PIEZO2: variants seen among roughly 807,000 people sequenced by gnomAD.
The protein encoded by PIEZO2 is piezo type mechanosensitive ion channel component 2, also known as piezo-type mechanosensitive ion channel component 2.
A neutral mutation model predicts 337.3 loss-of-function variants in PIEZO2; 172 were observed. The observed-to-expected ratio is 0.51, with a 90% CI of 0.45 to 0.58. The LOEUF (loss-of-function observed/expected upper bound fraction) is 0.58. Among genes scored for constraint, PIEZO2 ranks in the 20% least tolerant of loss-of-function variants. The pLI, the probability that PIEZO2 is intolerant of heterozygous loss-of-function variation, is 0.00. For missense variants in PIEZO2, 3,028 were observed against 3,391.3 expected (o/e 0.89, Z 2.66); for synonymous variants, 1,251 against 1,228.5 (o/e 1.02, Z -0.38).
chr18:10,919,549 A>G (rs982395432), intron 3 of PIEZO2, among the ~76,000 whole-genome samples: 2 of 152,106 alleles, frequency 1.3e-5, no homozygotes, highest in Non-Finnish European at 2.9e-5. Flanking sequence ...AGACCCTGCC[A>G]CACCTACTCA....
In PIEZO2 at chr18:11,078,866, GA is replaced by G. The variant is rs2038641627; in HGVS notation, c.65-12645del. On this transcript the variant is annotated intron_variant, in intron 1 of 55. Coordinates refer to ENST00000674853, the MANE Select transcript of PIEZO2 (RefSeq NM_001378183.1). The surrounding 1 kb of genome is among the most constrained non-coding windows in gnomAD (Gnocchi z 5.3). ...CAGAGTCTGTGTTACTGAGAATGGA[GA>G]GGGGTGAAAAAGAATCCTTGCAGGG... Among the ~76,000 whole-genome samples the G allele has an allele frequency of 6.6e-6, 1 of 152,210 alleles. No homozygotes were observed. Among genetic ancestry groups the G allele is most frequent in the South Asian group, 2.1e-4 (1 of 4,828 alleles).
Position 11,065,572 on chromosome 18 carries a change from G to A in PIEZO2, c.160+555C>T, listed in dbSNP as rs1343111273. Among the ~76,000 whole-genome samples, 5 of 152,302 alleles carry A rather than the reference G, an allele frequency of 3.3e-5. No individual in the cohort carries two copies. In the East Asian group the frequency reaches 7.7e-4, roughly 23 times the overall value. On this transcript the variant is annotated intron_variant, in intron 2 of 55. Coordinates refer to ENST00000674853, the MANE Select transcript of PIEZO2 (RefSeq NM_001378183.1). ...GAGTAACCAGAATGGGAGCTGAAGT[G>A]TTGCAGAAACACACTTGAGGAGCTA...
At chr18:10,811,052 A>G (rs1026634489) in intron 7 of PIEZO2, among the ~76,000 whole-genome samples, 1 of 152,146 alleles carries the variant, frequency 6.6e-6, no homozygotes, top group African/African-American at 2.4e-5. Context: ...TTGGTTCTTC[A>G]TCATTCTTTC....
rs2037354099 is a variant in PIEZO2 at position 11,047,407 on chromosome 18, C to T, written c.160+18720G>A. ...CAGTGCAGCAAAGGCTCCTGCCTAT[C>T]CCACAAGACGGCCCGGGGGAATTGT... On this transcript the variant is annotated intron_variant, in intron 2 of 55. Coordinates refer to ENST00000674853, the MANE Select transcript of PIEZO2 (RefSeq NM_001378183.1). The surrounding 1 kb of genome is among the most constrained non-coding windows in gnomAD (Gnocchi z 7.2). Among the ~76,000 whole-genome samples, 1 of 152,158 alleles carries T rather than the reference C, an allele frequency of 6.6e-6. No homozygotes were observed. Among genetic ancestry groups the T allele is most frequent in the African/African-American group, 2.4e-5 (1 of 41,430 alleles).
Position 11,111,250 on chromosome 18 carries a change from G to T in PIEZO2, c.64+37275C>A, listed in dbSNP as rs1270756205. 6.6e-6 allele frequency among the ~76,000 whole-genome samples: 1 copy of T among 152,112 alleles called. No homozygotes were observed. Among genetic ancestry groups the T allele is most frequent in the Admixed American group, 6.5e-5 (1 of 15,272 alleles). On this transcript the variant is annotated intron_variant, in intron 1 of 55. Transcript: ENST00000674853. The surrounding 1 kb of genome is among the most constrained non-coding windows in gnomAD (Gnocchi z 6.2). The stretch of plus-strand genomic sequence containing the variant: ...CCCCAGATGGAGATCTCTGGGGTCT[G>T]TGAGAACTTCCCTGGCCTTCGTTTC...
At chr18:10,749,865 T>C (rs1218972237) in intron 29 of PIEZO2, among the ~76,000 whole-genome samples, 2 of 152,210 alleles carry the variant, frequency 1.3e-5, no homozygotes, top group Admixed American at 1.3e-4. Flanking sequence ...CTCCAAGTCC[T>C]CAGCATTTCA....
chr18:11,082,868 C>T (rs1300096812), intron 1 of PIEZO2, among the ~76,000 whole-genome samples: 1 of 152,094 alleles, frequency 6.6e-6, no homozygotes, highest in African/African-American at 2.4e-5. Flanking sequence ...AAATGCCTCT[C>T]TCCAGATTGT....
intron 5 of PIEZO2, among the ~76,000 whole-genome samples, chr18:10,864,718 G>A (rs1443265701): frequency 6.6e-6 from 1 of 152,228 alleles, no homozygotes; most frequent in African/African-American, 2.4e-5. Flanking sequence ...CCCTGGCAAA[G>A]CCCCAGAAGG....
chr18:10,789,471 T>C, intron 14 of PIEZO2, 106 bp from the exon 15 acceptor site: 3 of 1,297,862 alleles, frequency 2.3e-6, no homozygotes, highest in Non-Finnish European at 2.1e-6. Flanking sequence ...TTCTAAGTTA[T>C]TGTATAATTT....
chr18:11,119,695 G>A (rs1256017215), intron 1 of PIEZO2, among the ~76,000 whole-genome samples: 3 of 152,184 alleles, frequency 2.0e-5, no homozygotes, highest in African/African-American at 7.2e-5. Context: ...CCATGAAGCT[G>A]AGTGTAGCCC....
intron 27 of PIEZO2, among the ~76,000 whole-genome samples, chr18:10,753,311 G>T (rs2143774765): frequency 6.6e-6 from 1 of 151,996 alleles, no homozygotes; most frequent in South Asian, 2.1e-4. Flanking sequence ...TATTAGAGGT[G>T]GAAATCTTTC....
At chr18:10,700,045 A>T (rs1191165955) in intron 43 of PIEZO2, among the ~76,000 whole-genome samples, 1 of 152,198 alleles carries the variant, frequency 6.6e-6, no homozygotes. Flanking sequence ...TTATTCTTAA[A>T]CATATTCAAT....
At chr18:10,738,381 CA>C (rs1343264294) in intron 33 of PIEZO2, 4 of 152,048 alleles carry the variant, frequency 2.6e-5, no homozygotes, top group Non-Finnish European at 5.9e-5. Flanking sequence ...TTCATATGGA[CA>C]AGTTCAAAAG....
intron 2 of PIEZO2, among the ~76,000 whole-genome samples, chr18:11,064,824 G>A (rs6505612): frequency 0.65 from 99,074 of 152,078 alleles, 32,917 homozygotes; most frequent in East Asian, 0.97. Context: ...GTGAATGCAC[G>A]CACAACCTTC....
intron 7 of PIEZO2, among the ~76,000 whole-genome samples, chr18:10,808,958 C>T (rs1407917327): frequency 6.6e-6 from 1 of 152,168 alleles, no homozygotes; most frequent in Non-Finnish European, 1.5e-5. Flanking sequence ...TTTAAAAATA[C>T]TTGTTTTGTC....
At position 10,691,320 on chromosome 18, in the gene PIEZO2, C is replaced by A. The variant is rs143058111; in HGVS notation, c.7254G>T (p.Leu2418Phe). The stretch of plus-strand genomic sequence containing the variant: ...AGCCACAACGGATCTGGTAAGCAGA[C>A]AACCCGAAGTAAACACATTTCACAA... Reference protein sequence around the residue: ...WYFVKCVYFGLSAYQIRCGYP... With the variant: ...WYFVKCVYFGFSAYQIRCGYP... The change falls in exon 48 of 56, where the codon TTG becomes TTT. Residue 2418 changes from leucine to phenylalanine, a missense_variant. Coordinates refer to ENST00000674853, the MANE Select transcript of PIEZO2 (RefSeq NM_001378183.1). The A allele has an allele frequency of 4.3e-6, 7 of 1,614,082 alleles. No individual in the cohort carries two copies. The highest frequency in any genetic ancestry group is 5.9e-6 in the Non-Finnish European group (7 of 1,179,990).
In PIEZO2 at chr18:10,775,615, T is replaced by C. The variant is rs2038755856; in HGVS notation, c.2535-1577A>G. ...GGGAGGCTGTTTCCACAGCTGCTAC[T>C]ACAGCTACACAGCAGATGTCCTTAA... On this transcript the variant is annotated intron_variant, in intron 18 of 55. Coordinates refer to ENST00000674853, the MANE Select transcript of PIEZO2 (RefSeq NM_001378183.1). The surrounding 1 kb of genome is among the most constrained non-coding windows in gnomAD (Gnocchi z 4.3). 6.6e-6 allele frequency among the ~76,000 whole-genome samples: 1 copy of C among 152,204 alleles called. No individual in the cohort carries two copies. The highest frequency in any genetic ancestry group is 2.4e-5 in the African/African-American group (1 of 41,456).
intron 21 of PIEZO2, among the ~76,000 whole-genome samples, chr18:10,764,859 G>A (rs977712524): frequency 2.6e-5 from 4 of 152,200 alleles, no homozygotes; most frequent in Non-Finnish European, 5.9e-5. Context: ...TAACAAAACA[G>A]ATAGATTAGC....
At chr18:11,029,790 A>G (rs540820416) in intron 2 of PIEZO2, among the ~76,000 whole-genome samples, 1 of 151,936 alleles carries the variant, frequency 6.6e-6, no homozygotes, top group Non-Finnish European at 1.5e-5. Context: ...CCCTTTTCAG[A>G]CAGGTCTTGT....
Sources: allele counts gnomAD v4.1 joint callset (sites outside exome capture counted in the v4.1 genomes callset), GRCh38; gene constraint gnomAD v4.1.1; non-coding constraint Gnocchi (gnomAD v3.1); transcripts MANE v1.5; gene names NCBI Gene and HGNC (gene_info 2026-07-23, HGNC 2026-07-21).